LRBA: variants seen among roughly 807,000 people sequenced by gnomAD.
LRBA encodes the protein LPS responsive beige-like anchor protein.
In LRBA, 176 loss-of-function variants were observed where a neutral mutation model predicts 330.0. That is an observed-to-expected ratio of 0.53 (90% CI 0.47 to 0.60). The LOEUF (loss-of-function observed/expected upper bound fraction) is 0.60. Ranked by LOEUF, LRBA falls within the 20% of genes least tolerant of loss-of-function variation. The pLI is 0.00. For synonymous variants in LRBA, 1,230 were observed against 1,193.0 expected, an observed-to-expected ratio of 1.03 and a Z score of -0.64; for missense variants, 3,259 against 3,444.8, an observed-to-expected ratio of 0.95 and a Z score of 1.35.
chr4:150,888,606 A>G (rs1729176954), intron 17 of LRBA, among the ~76,000 whole-genome samples: 3 of 152,166 alleles, frequency 2.0e-5, no homozygotes, highest in African/African-American at 7.2e-5. Context: ...ATACACTGGC[A>G]TCTCTAGAGC....
chr4:150,320,901 G>A (rs1011592233), intron 50 of LRBA, among the ~76,000 whole-genome samples: 1 of 151,888 alleles, frequency 6.6e-6, no homozygotes, highest in Non-Finnish European at 1.5e-5. Context: ...AATATATACT[G>A]TTTATGGACA....
chr4:150,464,242 AC>A (rs1755155162), intron 44 of LRBA, among the ~76,000 whole-genome samples: 1 of 152,088 alleles, frequency 6.6e-6, no homozygotes, highest in African/African-American at 2.4e-5. Flanking sequence ...TACTTCTAGG[AC>A]CCTAGAACAC....
intron 37 of LRBA, among the ~76,000 whole-genome samples, chr4:150,615,505 G>C (rs1561426891): frequency 6.6e-6 from 1 of 152,054 alleles, no homozygotes; most frequent in African/African-American, 2.4e-5. Flanking sequence ...TGAAGGTTGA[G>C]TCAAAAGAAT....
intron 47 of LRBA, among the ~76,000 whole-genome samples, chr4:150,372,077 ATC>A (rs1341109052): frequency 1.3e-5 from 2 of 152,152 alleles, no homozygotes; most frequent in African/African-American, 4.8e-5. Context: ...ATGAACCATT[ATC>A]TCTTATTCTA....
intron 4 of LRBA, among the ~76,000 whole-genome samples, chr4:150,923,553 T>C (rs2149499333): frequency 1.3e-5 from 2 of 152,326 alleles, no homozygotes; most frequent in South Asian, 2.1e-4. Flanking sequence ...CATATAAATA[T>C]ATGTATACGC....
chr4:150,727,090 T>G (rs1165122291), intron 36 of LRBA, among the ~76,000 whole-genome samples: 36 of 141,708 alleles, frequency 2.5e-4, no homozygotes, highest in Non-Finnish European at 4.8e-4. Flanking sequence ...TTTTTTTTTT[T>G]GAGATGGAGT....
intron 37 of LRBA, among the ~76,000 whole-genome samples, chr4:150,619,294 C>A (rs4327465): frequency 0.78 from 119,017 of 152,046 alleles, 51,251 homozygotes; most frequent in Non-Finnish European, 0.95. Flanking sequence ...TTTTTAAAAA[C>A]TGAATTTTGA....
At chr4:150,961,540 C>T (rs1354390199) in intron 2 of LRBA, among the ~76,000 whole-genome samples, 1 of 149,076 alleles carries the variant, frequency 6.7e-6, no homozygotes, top group Non-Finnish European at 1.5e-5. Flanking sequence ...ACAAAAAATA[C>T]TATTTTTAAA....
At chr4:150,839,085 A>G (rs1748631421) in intron 28 of LRBA, among the ~76,000 whole-genome samples, 1 of 152,236 alleles carries the variant, frequency 6.6e-6, no homozygotes, top group South Asian at 2.1e-4. Context: ...AAGGAGATGA[A>G]CAGACAATTC....
chr4:151,014,430 G>A lies in LRBA; in HGVS notation c.213C>T (p.Asn71=), dbSNP rs763051295. The A allele has an allele frequency of 6.2e-7, 1 of 1,612,528 alleles. No homozygotes were observed. The highest frequency in any genetic ancestry group is 8.5e-7 in the Non-Finnish European group (1 of 1,178,600). ...SNRDIVETVF[N]LLVGGQFDLE... ...TATAAAATATTCATGGACTTACCAG[G>A]TTAAAGACAGTTTCTACAATATCCC... is the stretch of plus-strand genomic sequence containing the variant. Residue 71 remains asparagine, a synonymous_variant, in exon 2 of 57, where the codon AAC becomes AAT. Transcript: ENST00000651943.
At chr4:150,790,069 C>G (rs535666947) in intron 34 of LRBA, among the ~76,000 whole-genome samples, 74 of 152,200 alleles carry the variant, frequency 4.9e-4, no homozygotes, top group Non-Finnish European at 1.0e-3. Context: ...GACTTCCTGT[C>G]AGGAAGAGTT....
At chr4:150,365,361 C>T (rs1339347467) in intron 47 of LRBA, among the ~76,000 whole-genome samples, 1 of 151,892 alleles carries the variant, frequency 6.6e-6, no homozygotes, top group Non-Finnish European at 1.5e-5. Context: ...AGAATGATAC[C>T]AATATATTAG....
At chr4:150,708,227 A>C (rs1245635533) in intron 36 of LRBA, among the ~76,000 whole-genome samples, 1 of 151,838 alleles carries the variant, frequency 6.6e-6, no homozygotes. Context: ...TCCTGCTACA[A>C]TAACTTACTC....
At chr4:150,860,730 A>AGGCAGAAG (rs1486704270) in intron 22 of LRBA, among the ~76,000 whole-genome samples, 1 of 152,108 alleles carries the variant, frequency 6.6e-6, no homozygotes, top group Non-Finnish European at 1.5e-5. Flanking sequence ...AGGGAGGCTG[A>AGGCAGAAG]GGCAGAAGAA....
intron 46 of LRBA, chr4:150,423,059 T>TG (rs1670449285): frequency 1.3e-6 from 1 of 794,760 alleles, no homozygotes; most frequent in Admixed American, 1.7e-5. Context: ...TCAGACAGGA[T>TG]GTCACAGGTG....
chr4:150,743,260 G>A (rs927934987), intron 35 of LRBA, among the ~76,000 whole-genome samples: 4 of 152,164 alleles, frequency 2.6e-5, no homozygotes, highest in Non-Finnish European at 4.4e-5. Flanking sequence ...GTGAGCCACC[G>A]CGCCTGGCCA....
intron 22 of LRBA, among the ~76,000 whole-genome samples, chr4:150,864,225 C>G (rs1001589387): frequency 2.0e-5 from 3 of 152,048 alleles, no homozygotes; most frequent in Non-Finnish European, 4.4e-5. Context: ...CGTGAGCCAC[C>G]GTGCCCGGGC....
At chr4:150,693,990 C>T (rs1393684222) in intron 36 of LRBA, among the ~76,000 whole-genome samples, 1 of 152,090 alleles carries the variant, frequency 6.6e-6, no homozygotes, top group African/African-American at 2.4e-5. Flanking sequence ...TTTGGTCTCA[C>T]AAGTTTTGTA....
At chr4:150,881,538 A>T (rs1387492957) in intron 17 of LRBA, among the ~76,000 whole-genome samples, 1 of 152,108 alleles carries the variant, frequency 6.6e-6, no homozygotes, top group Non-Finnish European at 1.5e-5. Flanking sequence ...GAAGGGGGAA[A>T]AGGTTGAAAA....
Sources: gnomAD v4.1 joint callset for allele counts (sites outside exome capture counted in the v4.1 genomes callset) on GRCh38, gnomAD v4.1.1 for gene constraint, MANE v1.5 for transcripts, NCBI Gene and HGNC (gene_info 2026-07-23, HGNC 2026-07-21) for gene names.